Variants in PHF19 observed in about 807,000 individuals in gnomAD.
PHF19 encodes the protein polycomb like 3.
PHF19 carries 21 observed loss-of-function variants against 79.8 expected under a neutral mutation model. The observed-to-expected ratio is 0.26, with a 90% confidence interval of 0.19 to 0.38. PHF19 has a LOEUF of 0.38. PHF19 is among the 10% of genes least tolerant of loss of function. The pLI is 1.00. For synonymous variants in PHF19, 273 were observed against 296.3 expected (o/e 0.92, Z 0.81); for missense variants, 445 against 744.2 (o/e 0.60, Z 4.68).
chr9:120,879,053 CTTCTTTCT>C (rs138116112), upstream of PHF19, among the ~76,000 whole-genome samples: 1 of 150,706 alleles, frequency 6.6e-6, no homozygotes. Flanking sequence ...GAGTGTGTCA[CTTCTTTCT>C]TTCTTTTTTT....
chr9:120,858,058 A>G lies in PHF19; in HGVS notation c.1629T>C (p.Phe543=), dbSNP rs2045398765. 1 of 1,614,150 alleles carries G rather than the reference A, an allele frequency of 6.2e-7. No individual in the cohort carries two copies. The highest frequency in any genetic ancestry group is 8.5e-7 in the Non-Finnish European group (1 of 1,179,984). Residue 543 remains phenylalanine (F), a synonymous_variant, in exon 15 of 15, where the codon TTT becomes TTC. Transcript: ENST00000373896. ...SHLKSSITNY[F]GAAGRLACGE... Reference sequence around the variant, plus strand: ...CACAGGCCAACCGCCCAGCTGCACCAAAGTAGTTGGTGATAGATGACTTGA... The same window carrying G: ...CACAGGCCAACCGCCCAGCTGCACCGAAGTAGTTGGTGATAGATGACTTGA...
Position 120,869,669 on chromosome 9 carries a change from A to C in PHF19, c.465+176T>G. On this transcript the variant is annotated intron_variant, in intron 5 of 14. Transcript: ENST00000373896. The surrounding 1 kb of genome is among the most constrained non-coding windows in gnomAD (Gnocchi z 5.8). ...CCATCTCCACTTTACAGTTGAGGAA[A>C]CTGAGGCTCAGGGAGTCTACAAATC... is the stretch of plus-strand genomic sequence containing the variant. The C allele has an allele frequency of 1.3e-6, 2 of 1,547,284 alleles. No individual in the cohort carries two copies. The highest frequency in any genetic ancestry group is 1.7e-6 in the Non-Finnish European group (2 of 1,143,426).
At chr9:120,861,769 G>A (rs2045533986) in intron 12 of PHF19, 149 bp downstream of exon 12, 3 of 706,174 alleles carry the variant, frequency 4.2e-6, no homozygotes, top group Non-Finnish European at 7.7e-6. Flanking sequence ...GGGTCTTAGA[G>A]TGCCTGGCTT....
chr9:120,868,962 G>GCC (rs2045799089), intron 6 of PHF19: 1 of 300,640 alleles, frequency 3.3e-6, no homozygotes, highest in African/African-American at 3.8e-5. Flanking sequence ...CGCAGCGGCT[G>GCC]ACCCCCCCCT....
At position 120,869,431 on chromosome 9, in the gene PHF19, G is replaced by T; in HGVS notation, c.466-101C>A. On this transcript the variant is annotated intron_variant, in intron 5 of 14. Coordinates refer to ENST00000373896, the MANE Select transcript of PHF19 (RefSeq NM_015651.3). This position sits in a 1 kb window ranked among gnomAD's most constrained non-coding sequence, Gnocchi z 5.8. ...AGGGAAGTGCTGCCAGGGCTTGGGG[G>T]ACCCGCAGATATTCCAATATAGTCA... 7.2e-7 allele frequency: 1 copy of T among 1,394,304 alleles called. No individual in the cohort carries two copies. The highest frequency in any genetic ancestry group is 9.6e-7 in the Non-Finnish European group (1 of 1,036,278). The allele number at this position is 1,394,304 out of a possible 1,614,324, so 86.4% of individuals were successfully genotyped here.
chr9:120,871,473 T>G (rs889765394), intron 3 of PHF19, among the ~76,000 whole-genome samples: 7 of 152,240 alleles, frequency 4.6e-5, no homozygotes, highest in Admixed American at 4.6e-4. Context: ...CATTTCCAAT[T>G]GTTTCTTAAG....
chr9:120,897,237 C>T (rs2046410516), upstream of PHF19, among the ~76,000 whole-genome samples: 2 of 152,242 alleles, frequency 1.3e-5, no homozygotes, highest in Admixed American at 6.5e-5. Context: ...CCACGCCCAG[C>T]AAGCTCCCCA....
intron 12 of PHF19, among the ~76,000 whole-genome samples, chr9:120,861,560 G>A (rs1444852919): frequency 6.6e-6 from 1 of 152,178 alleles, no homozygotes; most frequent in Non-Finnish European, 1.5e-5. Context: ...GGGAGGTGGT[G>A]GGGTTACTGA....
At chr9:120,896,751 C>A (rs148743655), upstream of PHF19, among the ~76,000 whole-genome samples, 13 of 152,294 alleles carry the variant, frequency 8.5e-5, no homozygotes, top group East Asian at 2.5e-3. Flanking sequence ...CCGTGCCCGG[C>A]CGTTTGTATG....
In PHF19 at chr9:120,869,719, G is replaced by C; in HGVS notation, c.465+126C>G. On this transcript the variant is annotated intron_variant, in intron 5 of 14. Transcript: ENST00000373896. The surrounding 1 kb of genome is among the most constrained non-coding windows in gnomAD (Gnocchi z 5.8). ...CCTGGCCAAGGACAGTGGCAGAGGC[G>C]CTATCTGTCTCCAAAGCCCAGGTGT... 1 of 1,560,604 alleles carries C rather than the reference G, an allele frequency of 6.4e-7. No individual in the cohort carries two copies. The highest frequency in any genetic ancestry group is 1.2e-5 in the South Asian group (1 of 84,758).
intron 14 of PHF19, 27 bp from the exon 15 acceptor site, chr9:120,858,313 G>A: frequency 1.4e-6 from 2 of 1,480,640 alleles, no homozygotes; most frequent in African/African-American, 1.4e-5. Context: ...AGAGGAAGAT[G>A]ATGAGAATGA....
At position 120,858,436 on chromosome 9, in the gene PHF19, CA is replaced by C. The variant is rs1209926095; in HGVS notation, c.1401-151del. ...TTATCCATCTTCTCCCATGCTCTCT[CA>C]AAGGTGCCTGTTATGTAGTCCCTGA... is the stretch of plus-strand genomic sequence containing the variant. On this transcript the variant is annotated intron_variant, in intron 14 of 14. Coordinates refer to ENST00000373896, the MANE Select transcript of PHF19 (RefSeq NM_015651.3). The C allele has an allele frequency of 1.2e-5, 7 of 561,182 alleles. No individual in the cohort carries two copies. The African/African-American group carries it at 1.3e-4, about 11-fold the overall frequency. 34.8% of individuals were successfully genotyped at this position (561,182 alleles called of 1,614,324 possible). A position where few individuals can be genotyped will look rare whatever the true frequency, so the allele number is the denominator to read the frequency against.
intron 1 of PHF19, among the ~76,000 whole-genome samples, chr9:120,882,224 A>G (rs2046196919): frequency 6.6e-6 from 1 of 152,200 alleles, no homozygotes; most frequent in Non-Finnish European, 1.5e-5. Flanking sequence ...GCAGTGTCTC[A>G]GTACCTCTCT....
At chr9:120,884,168 ATAC>A (rs2046230637) in intron 1 of PHF19, among the ~76,000 whole-genome samples, 1 of 152,246 alleles carries the variant, frequency 6.6e-6, no homozygotes, top group African/African-American at 2.4e-5. Context: ...TTAGGTCTAC[ATAC>A]TACATTCAAT....
In PHF19 at chr9:120,860,192, G is replaced by A; in HGVS notation, c.1305-7C>T. The A allele has an allele frequency of 6.5e-7, 1 of 1,543,918 alleles. No individual in the cohort carries two copies. ...GGTCTGGCCTGAGCTGGCACTGAGAGGGGCAAGACCGTGAGCCTGCTGGTG... is the reference window on the plus strand; with the variant it reads ...GGTCTGGCCTGAGCTGGCACTGAGAAGGGCAAGACCGTGAGCCTGCTGGTG... On this transcript the variant is annotated splice_region_variant and splice_polypyrimidine_tract_variant and intron_variant, in intron 13 of 14. Coordinates refer to ENST00000373896, the MANE Select transcript of PHF19 (RefSeq NM_015651.3). The surrounding 1 kb of genome is among the most constrained non-coding windows in gnomAD (Gnocchi z 4.1).
rs1329060472 is a variant in PHF19 at position 120,891,944 on chromosome 9, G to A, written c.42+2844C>T. Reference sequence around the variant, plus strand: ...CTAAAACAGGCTGCAAACCCCTGACGCCTTGCAGAGCCAGGTAGGAAAGTT... The same window carrying A: ...CTAAAACAGGCTGCAAACCCCTGACACCTTGCAGAGCCAGGTAGGAAAGTT... On this transcript the variant is annotated intron_variant, in intron 1 of 14. Transcript: ENST00000616568. This position sits in a 1 kb window ranked among gnomAD's most constrained non-coding sequence, Gnocchi z 4.3. Among the ~76,000 whole-genome samples, 1 of 152,162 alleles carries A rather than the reference G, an allele frequency of 6.6e-6. No homozygotes were observed. The highest frequency in any genetic ancestry group is 1.9e-4 in the East Asian group (1 of 5,204).
chr9:120,893,075 AG>A (rs1259737493), intron 1 of PHF19, among the ~76,000 whole-genome samples: 1 of 152,280 alleles, frequency 6.6e-6, no homozygotes, highest in African/African-American at 2.4e-5. Context: ...AGTTGCTGGG[AG>A]GATTGAGTAA....
intron 1 of PHF19, among the ~76,000 whole-genome samples, chr9:120,893,108 T>C (rs1276346306): frequency 6.6e-6 from 1 of 152,200 alleles, no homozygotes; most frequent in Non-Finnish European, 1.5e-5. Flanking sequence ...GTGCCTAGCA[T>C]GTAACAGGCA....
Position 120,869,238 on chromosome 9 carries a change from G to A in PHF19, c.558C>T (p.Asp186=). The A allele has an allele frequency of 1.2e-6, 2 of 1,612,444 alleles. No individual in the cohort carries two copies. The highest frequency in any genetic ancestry group is 1.3e-5 in the African/African-American group (1 of 75,042). ...LSYQPEELEW[D]SPHRTNQQQC... ...GCTGCTGGTTGGTGCGATGGGGCGA[G>A]TCCCACTCGAGCTCCTCGGGCTGGT... is the stretch of plus-strand genomic sequence containing the variant. The change falls in exon 6 of 15, where the codon GAC becomes GAT. Residue 186 remains aspartate (D), a synonymous_variant. Coordinates refer to ENST00000373896, the MANE Select transcript of PHF19 (RefSeq NM_015651.3). The surrounding 1 kb of genome is among the most constrained non-coding windows in gnomAD (Gnocchi z 5.8).
Sources: gnomAD v4.1 joint callset for allele counts (sites outside exome capture counted in the v4.1 genomes callset) on GRCh38, gnomAD v4.1.1 for gene constraint, Gnocchi (gnomAD v3.1) non-coding constraint, MANE v1.5 for transcripts, NCBI Gene and HGNC (gene_info 2026-07-23, HGNC 2026-07-21) for gene names.